Variants in MAPK10 observed in about 807,000 individuals in gnomAD.
The protein encoded by MAPK10 is JNK3 alpha protein kinase.
MAPK10 carries 25 observed loss-of-function variants against 59.3 expected under a neutral mutation model. The ratio of observed to expected loss-of-function variants is 0.42; its 90% confidence interval spans 0.31 to 0.59. MAPK10 has a LOEUF of 0.59. Ranked by LOEUF, MAPK10 falls within the 20% of genes least tolerant of loss-of-function variation. MAPK10 has a pLI of 0.15. For synonymous variants in MAPK10, 190 were observed against 200.5 expected (o/e 0.95, Z 0.44); for missense variants, 351 against 568.9 (o/e 0.62, Z 3.90).
intron 2 of MAPK10, among the ~76,000 whole-genome samples, chr4:86,259,925 C>G (rs368625948): frequency 6.6e-6 from 1 of 151,964 alleles, no homozygotes; most frequent in East Asian, 1.9e-4. Context: ...AAATAAAAGT[C>G]AAATAAATAT....
intron 9 of MAPK10, chr4:86,090,568 C>G (rs549756829): frequency 6.6e-6 from 1 of 152,178 alleles, no homozygotes; most frequent in East Asian, 1.9e-4. Flanking sequence ...AGTTGTGCAT[C>G]CCTTTATTAT....
chr4:86,333,352 T>C (rs2096200959), intron 2 of MAPK10, among the ~76,000 whole-genome samples: 2 of 152,118 alleles, frequency 1.3e-5, no homozygotes, highest in African/African-American at 2.4e-5. Flanking sequence ...ATGCCTTTTT[T>C]CCCAGTCATG....
chr4:86,547,327 C>G lies in MAPK10; in HGVS notation c.-263+46583G>C, dbSNP rs1246750194. Among the ~76,000 whole-genome samples, 3 of 152,186 alleles carry G rather than the reference C, an allele frequency of 2.0e-5. No homozygotes were observed. The South Asian group carries it at 6.2e-4, about 32-fold the overall frequency. On this transcript the variant is annotated intron_variant, in intron 1 of 4. Coordinates refer to the MAPK10 transcript ENST00000502302. ...TTGCCAGGAGGTGTGGAGGGAGAGG[C>G]GCTGGGGGGAACCAGGACTGCGCGA... is the stretch of plus-strand genomic sequence containing the variant.
At chr4:86,507,671 TAA>T (rs1365419120) in intron 1 of MAPK10, among the ~76,000 whole-genome samples, 1 of 102,594 alleles carries the variant, frequency 9.7e-6, no homozygotes, top group South Asian at 2.9e-4. Flanking sequence ...TATATATATA[TAA>T]AATCATGTGT....
intron 2 of MAPK10, among the ~76,000 whole-genome samples, chr4:86,226,292 C>T (rs189850271): frequency 1.3e-5 from 2 of 152,286 alleles, no homozygotes; most frequent in East Asian, 1.9e-4. Flanking sequence ...ATAGGCTAGG[C>T]TTACTCTCCA....
At chr4:86,132,069 A>G (rs957291812) in intron 4 of MAPK10, among the ~76,000 whole-genome samples, 5 of 152,244 alleles carry the variant, frequency 3.3e-5, no homozygotes, top group Admixed American at 3.3e-4. Flanking sequence ...CAATGAGTTA[A>G]TAACTTACTT....
At chr4:86,202,952 C>T (rs538140109) in intron 2 of MAPK10, among the ~76,000 whole-genome samples, 10 of 151,986 alleles carry the variant, frequency 6.6e-5, no homozygotes, top group African/African-American at 2.2e-4. Flanking sequence ...ACAAAAAATT[C>T]GTTTGCTAAT....
intron 8 of MAPK10, chr4:86,100,347 A>G (rs2055111332): frequency 6.6e-6 from 1 of 152,146 alleles, no homozygotes; most frequent in South Asian, 2.1e-4. Flanking sequence ...ACTACACTCA[A>G]TTGTGATACA....
intron 1 of MAPK10, among the ~76,000 whole-genome samples, chr4:86,547,410 C>T (rs968491029): frequency 6.6e-6 from 1 of 152,368 alleles, no homozygotes; most frequent in Admixed American, 6.5e-5. Context: ...CCGGCCCCAC[C>T]GCCCGGGGCA....
chr4:86,260,438 A>T lies in MAPK10; in HGVS notation c.-6-66031T>A, dbSNP rs186144459. On this transcript the variant is annotated intron_variant, in intron 2 of 13. Transcript: ENST00000641462. Reference sequence around the variant, plus strand: ...TTTGTACTGCATCACTCTCTAAATAAATTTGAGAATCTCTTTTCTTGCAGT... The same window carrying T: ...TTTGTACTGCATCACTCTCTAAATATATTTGAGAATCTCTTTTCTTGCAGT... 3.9e-3 allele frequency among the ~76,000 whole-genome samples: 596 copies of T among 152,212 alleles called. 4 individuals carry two copies. Among genetic ancestry groups the T allele is most frequent in the Admixed American group, 0.018 (272 of 15,290 alleles).
At chr4:86,419,159 T>C (rs1407143971) in intron 1 of MAPK10, among the ~76,000 whole-genome samples, 1 of 152,146 alleles carries the variant, frequency 6.6e-6, no homozygotes, top group African/African-American at 2.4e-5. Context: ...AAAATAAATG[T>C]TTTTTAAAAA....
At position 86,222,018 on chromosome 4, in the gene MAPK10, G is replaced by T. The variant is rs1583110157; in HGVS notation, c.-6-27611C>A. Reference sequence around the variant, plus strand: ...AGATCTGGTTCTTTCAAAGTGTGTAGCATCTGCCCCTCACTCTCTTGCTCG... The same window carrying T: ...AGATCTGGTTCTTTCAAAGTGTGTATCATCTGCCCCTCACTCTCTTGCTCG... On this transcript the variant is annotated intron_variant, in intron 2 of 13. Coordinates refer to ENST00000641462, the MANE Select transcript of MAPK10 (RefSeq NM_138982.4). 2.0e-5 allele frequency among the ~76,000 whole-genome samples: 3 copies of T among 152,032 alleles called. No individual in the cohort carries two copies. The East Asian group carries it at 5.8e-4, about 29-fold the overall frequency.
chr4:86,516,654 T>TTTC (rs1756691933), intron 1 of MAPK10, among the ~76,000 whole-genome samples: 1 of 151,950 alleles, frequency 6.6e-6, no homozygotes, highest in Non-Finnish European at 1.5e-5. Context: ...TGTTTGTTTT[T>TTTC]TGTTTGTTTG....
chr4:86,140,251 C>T (rs1241748827), intron 4 of MAPK10, among the ~76,000 whole-genome samples: 2 of 136,698 alleles, frequency 1.5e-5, no homozygotes, highest in Non-Finnish European at 3.0e-5. Context: ...TATTGCGGCA[C>T]TATTCACAAT....
chr4:86,335,534 CCTT>C (rs1720696802), intron 2 of MAPK10, among the ~76,000 whole-genome samples: 1 of 152,020 alleles, frequency 6.6e-6, no homozygotes, highest in South Asian at 2.1e-4. Flanking sequence ...TCTCTCACCC[CCTT>C]CTTCTTCTTC....
intron 1 of MAPK10, among the ~76,000 whole-genome samples, chr4:86,410,760 AT>A (rs1217668257): frequency 6.6e-6 from 1 of 152,036 alleles, no homozygotes; most frequent in Non-Finnish European, 1.5e-5. Flanking sequence ...CCCCTTTATC[AT>A]TTTTTATTGT....
rs548857577 is a variant in MAPK10 at position 86,571,200 on chromosome 4, T to A, written c.-263+22710A>T. ...AAAATACTTAGGGTTTTTTTTTTAG[T>A]GATTGGAATCTGTAAAAAATAAAAT... On this transcript the variant is annotated intron_variant, in intron 1 of 4. Coordinates refer to the MAPK10 transcript ENST00000502302. 3.1e-4 allele frequency among the ~76,000 whole-genome samples: 46 copies of A among 150,762 alleles called. 1 individual carries two copies. The highest frequency in any genetic ancestry group is 1.1e-3 in the African/African-American group (44 of 41,248).
rs192155251 is a variant in MAPK10 at position 86,098,609 on chromosome 4, G to C, written c.731-14C>G. 3.8e-6 allele frequency: 6 copies of C among 1,593,946 alleles called. No individual in the cohort carries two copies. Among genetic ancestry groups the C allele is most frequent in the Middle Eastern group, 1.7e-4 (1 of 6,016 alleles). ...ACCATATATCCACTAGAACAGGAGA[G>C]AGAGGGTAGTGAAGAAAAGGGAGGA... On this transcript the variant is annotated splice_polypyrimidine_tract_variant and intron_variant, in intron 8 of 13. Coordinates refer to ENST00000641462, the MANE Select transcript of MAPK10 (RefSeq NM_138982.4).
intron 1 of MAPK10, among the ~76,000 whole-genome samples, chr4:86,475,794 C>T (rs1051115310): frequency 6.6e-6 from 1 of 151,972 alleles, no homozygotes; most frequent in African/African-American, 2.4e-5. Flanking sequence ...CATGTCTCTA[C>T]TCTCTCTTTT....
Sources: allele counts gnomAD v4.1 joint callset (sites outside exome capture counted in the v4.1 genomes callset), GRCh38; gene constraint gnomAD v4.1.1; transcripts MANE v1.5; gene names NCBI Gene and HGNC (gene_info 2026-07-23, HGNC 2026-07-21).